SH3RF1: variants seen among roughly 807,000 people sequenced by gnomAD.
The protein encoded by SH3RF1 is E3 ubiquitin-protein ligase SH3RF1.
A neutral mutation model predicts 74.0 loss-of-function variants in SH3RF1; 32 were observed. That is an observed-to-expected ratio of 0.43 (90% CI 0.33 to 0.58). The LOEUF (loss-of-function observed/expected upper bound fraction) is 0.58, where lower values mean the gene tolerates loss of function less well. SH3RF1 is among the 20% of genes least tolerant of loss of function. SH3RF1 has a pLI of 0.05. For synonymous variants in SH3RF1, 396 were observed against 439.6 expected (o/e 0.90, Z 1.24); for missense variants, 954 against 1,130.9 (o/e 0.84, Z 2.24).
At chr4:169,187,188 G>GTA (rs1734619883) in intron 2 of SH3RF1, among the ~76,000 whole-genome samples, 1 of 152,042 alleles carries the variant, frequency 6.6e-6, no homozygotes. Flanking sequence ...GTGTACACAC[G>GTA]TATATATGTA....
rs534828259 is a variant in SH3RF1, at chr4:169,224,252, C to A, written c.393+44568G>T. On this transcript the variant is annotated intron_variant, in intron 2 of 11. Transcript: ENST00000284637. ...TTTTGTTCTAAGTGTAAGGAAGAAG[C>A]CAGTAGAGAGCTATAAACAGAGGAA... 4.6e-5 allele frequency among the ~76,000 whole-genome samples: 7 copies of A among 152,052 alleles called. No individual in the cohort carries two copies. The South Asian group carries it at 1.5e-3, about 32-fold the overall frequency.
intron 2 of SH3RF1, among the ~76,000 whole-genome samples, chr4:169,233,190 A>C (rs1730770607): frequency 7.0e-6 from 1 of 142,950 alleles, no homozygotes; most frequent in South Asian, 2.5e-4. Flanking sequence ...CAGAGGTTGC[A>C]GTGAGCCAAG....
rs911611505 is a variant in SH3RF1 at position 169,207,055 on chromosome 4, C to G, written c.394-50376G>C. Among the ~76,000 whole-genome samples, 102 of 152,158 alleles carry G rather than the reference C, an allele frequency of 6.7e-4. 1 individual carries two copies. The highest frequency in any genetic ancestry group is 2.3e-3 in the African/African-American group (96 of 41,522). On this transcript the variant is annotated intron_variant, in intron 2 of 11. Transcript: ENST00000284637. ...CTCACTGCAGCCTTGATCTCCCAGG[C>G]TCAAGCTATCCTCCCACCTCAGCCT...
intron 2 of SH3RF1, among the ~76,000 whole-genome samples, chr4:169,195,357 T>C (rs1734792153): frequency 6.6e-6 from 1 of 152,244 alleles, no homozygotes; most frequent in Admixed American, 6.5e-5. Flanking sequence ...CAAGATTTTA[T>C]CTTTGTTTCT....
chr4:169,141,251 C>T (rs1733780626), intron 4 of SH3RF1, among the ~76,000 whole-genome samples: 1 of 151,544 alleles, frequency 6.6e-6, no homozygotes. Context: ...CATGTATCTA[C>T]TTTATTGATT....
intron 2 of SH3RF1, among the ~76,000 whole-genome samples, chr4:169,193,246 T>C (rs188884378): frequency 1.3e-5 from 2 of 152,252 alleles, no homozygotes; most frequent in East Asian, 1.9e-4. Flanking sequence ...AACTCACTTA[T>C]GTAACCAAAC....
At chr4:169,169,371 C>T (rs571821337) in intron 2 of SH3RF1, among the ~76,000 whole-genome samples, 2 of 151,908 alleles carry the variant, frequency 1.3e-5, no homozygotes, top group East Asian at 1.9e-4. Context: ...CTGAGGCAGG[C>T]GGATCATATG....
At chr4:169,229,210 A>C (rs1730696534) in intron 2 of SH3RF1, among the ~76,000 whole-genome samples, 1 of 152,092 alleles carries the variant, frequency 6.6e-6, no homozygotes, top group African/African-American at 2.4e-5. Context: ...CATCTTTATA[A>C]TTCCTTTTTT....
chr4:169,265,513 G>C (rs1731338137), intron 2 of SH3RF1, among the ~76,000 whole-genome samples: 1 of 151,856 alleles, frequency 6.6e-6, no homozygotes, highest in African/African-American at 2.4e-5. Context: ...CGCTCTTTTT[G>C]GCCAGACTGG....
At chr4:169,117,042 C>T (rs940244422) in intron 9 of SH3RF1, among the ~76,000 whole-genome samples, 7 of 152,174 alleles carry the variant, frequency 4.6e-5, no homozygotes, top group Admixed American at 2.0e-4. Flanking sequence ...ATAGAGTTCA[C>T]AAGCCTTTAG....
rs1733537653 is a variant in SH3RF1 at position 169,127,056 on chromosome 4, T to A, written c.1179+2990A>T. Among the ~76,000 whole-genome samples, 4 of 152,242 alleles carry A rather than the reference T, an allele frequency of 2.6e-5. No individual in the cohort carries two copies. The South Asian group carries it at 8.3e-4, about 32-fold the overall frequency. On this transcript the variant is annotated intron_variant, in intron 6 of 11. Coordinates refer to ENST00000284637, the MANE Select transcript of SH3RF1 (RefSeq NM_020870.4). ...TGTTTTAAAAGGCCTTCTGCCATTA[T>A]GCAGAAGATACGAGACTAAGATCTT...
chr4:169,259,570 A>AT (rs1731243636), intron 2 of SH3RF1, among the ~76,000 whole-genome samples: 1 of 152,168 alleles, frequency 6.6e-6, no homozygotes, highest in South Asian at 2.1e-4. Context: ...GGGGCTCTGA[A>AT]TTTTTCTTTT....
intron 2 of SH3RF1, among the ~76,000 whole-genome samples, chr4:169,173,999 T>TTTTATA (rs146375577): frequency 6.7e-6 from 1 of 149,094 alleles, no homozygotes; most frequent in African/African-American, 2.5e-5. Flanking sequence ...ATTTCCTGAG[T>TTTTATA]TATATATATA....
intron 2 of SH3RF1, among the ~76,000 whole-genome samples, chr4:169,185,084 G>T (rs116049376): frequency 0.012 from 1,755 of 152,300 alleles, 15 homozygotes; most frequent in South Asian, 0.032. Context: ...GGAGTGTCAA[G>T]ATTTCCTTCC....
intron 11 of SH3RF1, among the ~76,000 whole-genome samples, chr4:169,097,861 C>T (rs925560051): frequency 1.3e-5 from 2 of 152,196 alleles, no homozygotes; most frequent in African/African-American, 2.4e-5. Flanking sequence ...TCTCTTGGAT[C>T]GGTCACTCAG....
intron 2 of SH3RF1, among the ~76,000 whole-genome samples, chr4:169,162,841 C>G (rs573877265): frequency 6.6e-6 from 1 of 152,280 alleles, no homozygotes; most frequent in Admixed American, 6.5e-5. Flanking sequence ...TGTGGGCTGA[C>G]CAAGGCCAGC....
intron 4 of SH3RF1, among the ~76,000 whole-genome samples, chr4:169,149,578 CTT>C (rs1412658713): frequency 2.6e-5 from 4 of 152,162 alleles, no homozygotes; most frequent in Non-Finnish European, 4.4e-5. Flanking sequence ...TCAACAATGT[CTT>C]TAAATTTCAC....
intron 2 of SH3RF1, among the ~76,000 whole-genome samples, chr4:169,199,547 T>C (rs1468313358): frequency 1.3e-5 from 2 of 151,926 alleles, no homozygotes; most frequent in Non-Finnish European, 2.9e-5. Context: ...CACATCCCAC[T>C]GGTTAGATCT....
At chr4:169,161,255 G>C (rs938561873) in intron 2 of SH3RF1, among the ~76,000 whole-genome samples, 2 of 152,174 alleles carry the variant, frequency 1.3e-5, no homozygotes, top group South Asian at 2.1e-4. Context: ...AACTGTTACA[G>C]TAATTCTGCA....
Sources: allele counts gnomAD v4.1 joint callset (sites outside exome capture counted in the v4.1 genomes callset), GRCh38; gene constraint gnomAD v4.1.1; transcripts MANE v1.5; gene names NCBI Gene and HGNC (gene_info 2026-07-23, HGNC 2026-07-21).